FBXW10B: variants seen among roughly 807,000 people sequenced by gnomAD.
FBXW10B encodes the protein F-box and WD repeat domain containing protein 10B.
the FBXW10B span, among the ~76,000 whole-genome samples, chr17:15,584,394 T>C: frequency 6.6e-6 from 1 of 152,218 alleles, no homozygotes; most frequent in Non-Finnish European, 1.5e-5. Flanking sequence ...TAAGTAGTTA[T>C]ATCATTGGAA....
chr17:15,609,385 G>A, the FBXW10B span, among the ~76,000 whole-genome samples: 160 of 151,712 alleles, frequency 1.1e-3, no homozygotes, highest in African/African-American at 3.5e-3. Flanking sequence ...CCAGTGTCCA[G>A]GGAGTTTTCC....
the FBXW10B span, among the ~76,000 whole-genome samples, chr17:15,600,315 CT>C: frequency 6.7e-6 from 1 of 148,156 alleles, no homozygotes; most frequent in Admixed American, 6.8e-5. Context: ...TATGTTAAAG[CT>C]TTTTCTTCTA....
At chr17:15,604,317 T>G in the FBXW10B span, among the ~76,000 whole-genome samples, 90 of 152,070 alleles carry the variant, frequency 5.9e-4, no homozygotes, top group Non-Finnish European at 1.0e-3. Flanking sequence ...CACAAGTAAC[T>G]AATACTTCTG....
At chr17:15,592,562 C>A in the FBXW10B span, among the ~76,000 whole-genome samples, 1 of 152,076 alleles carries the variant, frequency 6.6e-6, no homozygotes, top group Non-Finnish European at 1.5e-5. Flanking sequence ...TGCAGTCAGT[C>A]ATGGTACTGG....
the FBXW10B span, among the ~76,000 whole-genome samples, chr17:15,590,442 G>A: frequency 1.8e-4 from 27 of 147,230 alleles, no homozygotes; most frequent in Non-Finnish European, 3.6e-4. Flanking sequence ...AGAGTGCTGG[G>A]GTCCTTTGGT....
At chr17:15,614,116 C>T in the FBXW10B span, 2 of 1,485,804 alleles carry the variant, frequency 1.3e-6, no homozygotes, top group Non-Finnish European at 1.8e-6. Context: ...ACCAAAAGCT[C>T]TCCCACAAAA....
chr17:15,584,968 C>CTTTTTTTTTTT, the FBXW10B span, among the ~76,000 whole-genome samples: 1 of 125,958 alleles, frequency 7.9e-6, no homozygotes, highest in Non-Finnish European at 1.6e-5. Context: ...CCTTCTTCTT[C>CTTTTTTTTTTT]TTTTTTTTTT....
the FBXW10B span, chr17:15,619,011 A>G: frequency 6.8e-6 from 11 of 1,612,402 alleles, no homozygotes; most frequent in Non-Finnish European, 9.3e-6. Flanking sequence ...TGTTTACCTG[A>G]GATATTGTTC....
chr17:15,609,852 C>CTTTTTTTTTTTTTTTTTTTTTTTTTT, the FBXW10B span, among the ~76,000 whole-genome samples: 1 of 103,182 alleles, frequency 9.7e-6, no homozygotes, highest in African/African-American at 4.0e-5. Context: ...TTCTTTCTTT[C>CTTTTTTTTTTTTTTTTTTTTTTTTTT]TTTTTTTTTT....
chr17:15,586,236 G>A, the FBXW10B span, among the ~76,000 whole-genome samples: 3 of 151,598 alleles, frequency 2.0e-5, no homozygotes, highest in Non-Finnish European at 2.9e-5. Context: ...TTGCAGCTGT[G>A]GACTTTAATC....
chr17:15,587,819 G>A, the FBXW10B span, among the ~76,000 whole-genome samples: 2 of 152,250 alleles, frequency 1.3e-5, no homozygotes, highest in African/African-American at 4.8e-5. Flanking sequence ...GCTGCACACT[G>A]GTGACTCTTG....
chr17:15,604,827 A>G, the FBXW10B span, among the ~76,000 whole-genome samples: 31,605 of 147,854 alleles, frequency 0.21, 3,538 homozygotes, highest in East Asian at 0.38. Context: ...GTGAGCCACC[A>G]CGCCTGGCCA....
At chr17:15,608,204 A>C in the FBXW10B span, among the ~76,000 whole-genome samples, 1 of 138,486 alleles carries the variant, frequency 7.2e-6, no homozygotes, top group Non-Finnish European at 1.5e-5. Context: ...CTCTGTCACC[A>C]GGCTGGAGTG....
At chr17:15,612,723 G>A in the FBXW10B span, 47 of 1,613,834 alleles carry the variant, frequency 2.9e-5, 1 homozygote, top group South Asian at 1.6e-4. Context: ...CTTCCACTTC[G>A]GATGTTTCAC....
At chr17:15,598,466 A>G in the FBXW10B span, 20 of 1,612,182 alleles carry the variant, frequency 1.2e-5, no homozygotes, top group South Asian at 2.2e-4. Context: ...TGAGCAAAAC[A>G]AAGCATTTTG....
chr17:15,618,711 G>A, the FBXW10B span, among the ~76,000 whole-genome samples: 1 of 152,150 alleles, frequency 6.6e-6, no homozygotes, highest in Non-Finnish European at 1.5e-5. Flanking sequence ...CAGGGGCAGG[G>A]ACCAGCCATT....
chr17:15,600,945 G>A, the FBXW10B span, among the ~76,000 whole-genome samples: 1 of 145,530 alleles, frequency 6.9e-6, no homozygotes, highest in East Asian at 2.1e-4. Context: ...CAGCTACTCG[G>A]GAGGCTGAGG....
At chr17:15,606,095 G>A in the FBXW10B span, among the ~76,000 whole-genome samples, 1 of 141,874 alleles carries the variant, frequency 7.0e-6, no homozygotes, top group Non-Finnish European at 1.5e-5. Flanking sequence ...ACAAGGTCTT[G>A]CTCTGTCACC....
the FBXW10B span, among the ~76,000 whole-genome samples, chr17:15,597,284 A>C: frequency 0.21 from 29,475 of 137,598 alleles, 3,883 homozygotes; most frequent in African/African-American, 0.35. Flanking sequence ...TGCCTGGCAT[A>C]TTCTAGTGGG....
Sources: gnomAD v4.1 joint callset for allele counts (sites outside exome capture counted in the v4.1 genomes callset) on GRCh38, gnomAD v4.1.1 for gene constraint, MANE v1.5 for transcripts, NCBI Gene and HGNC (gene_info 2026-07-23, HGNC 2026-07-21) for gene names.